SLMAP: variants seen among roughly 807,000 people sequenced by gnomAD.
The protein encoded by SLMAP is sarcolemma associated protein.
In SLMAP, 44 loss-of-function variants were observed where a neutral mutation model predicts 128.8. That is an observed-to-expected ratio of 0.34 (90% CI 0.27 to 0.44). The LOEUF (loss-of-function observed/expected upper bound fraction) is 0.44. Ranked by LOEUF, SLMAP falls within the 20% of genes least tolerant of loss-of-function variation. The pLI, the probability that SLMAP is intolerant of heterozygous loss-of-function variation, is 1.00. For missense variants in SLMAP, 787 were observed against 985.3 expected (o/e 0.80, Z 2.69); for synonymous variants, 327 against 348.8 (o/e 0.94, Z 0.70).
chr3:57,825,559 A>G (rs1343305370), intron 2 of SLMAP, among the ~76,000 whole-genome samples: 3 of 147,886 alleles, frequency 2.0e-5, no homozygotes, highest in Non-Finnish European at 3.0e-5. Context: ...TTTATATTAT[A>G]AAATACCTTT....
intron 2 of SLMAP, among the ~76,000 whole-genome samples, chr3:57,817,546 A>G (rs1031168956): frequency 9.2e-5 from 14 of 152,354 alleles, no homozygotes; most frequent in East Asian, 5.8e-4. Flanking sequence ...GAATACCCCA[A>G]TCTTCAAAGA....
chr3:57,880,061 T>C (rs1251554953), intron 14 of SLMAP, among the ~76,000 whole-genome samples: 8 of 152,154 alleles, frequency 5.3e-5, no homozygotes, highest in African/African-American at 1.7e-4. Context: ...GCCTTAGGGA[T>C]TGGTGGGGTG....
intron 2 of SLMAP, among the ~76,000 whole-genome samples, chr3:57,801,774 C>G (rs1426978078): frequency 6.6e-6 from 1 of 151,566 alleles, no homozygotes; most frequent in Non-Finnish European, 1.5e-5. Flanking sequence ...TTTTAATGCT[C>G]TCTTGGTATG....
intron 2 of SLMAP, among the ~76,000 whole-genome samples, chr3:57,764,473 A>G (rs7631516): frequency 0.47 from 70,286 of 149,786 alleles, 17,024 homozygotes; most frequent in South Asian, 0.6. Context: ...TTGCACTCCA[A>G]CATGGGCAAC....
intron 2 of SLMAP, among the ~76,000 whole-genome samples, chr3:57,782,682 A>G (rs1211998207): frequency 6.6e-6 from 1 of 152,144 alleles, no homozygotes; most frequent in Non-Finnish European, 1.5e-5. Context: ...CATATTGTCC[A>G]GGCTGGTCTC....
intron 10 of SLMAP, 94 bp downstream of exon 10, chr3:57,862,180 G>A (rs1448123396): frequency 9.7e-7 from 1 of 1,026,016 alleles, no homozygotes; most frequent in Non-Finnish European, 1.4e-6. Context: ...GCTGGGCGTG[G>A]GGTGGCGGGC....
chr3:57,892,056 T>C (rs1447576931), intron 15 of SLMAP, among the ~76,000 whole-genome samples: 2 of 152,198 alleles, frequency 1.3e-5, no homozygotes, highest in East Asian at 1.9e-4. Flanking sequence ...AATACAAATA[T>C]AAGTTTTAAA....
intron 2 of SLMAP, among the ~76,000 whole-genome samples, chr3:57,813,470 A>C (rs1198733440): frequency 6.6e-6 from 1 of 152,210 alleles, no homozygotes. Context: ...TCTCATGTCC[A>C]GGACAGTGAG....
At chr3:57,782,499 G>A (rs1019823722) in intron 2 of SLMAP, among the ~76,000 whole-genome samples, 2 of 152,144 alleles carry the variant, frequency 1.3e-5, no homozygotes, top group African/African-American at 4.8e-5. Context: ...TGTTGAGACG[G>A]TCTCACTCTG....
intron 6 of SLMAP, among the ~76,000 whole-genome samples, chr3:57,851,818 A>G (rs1161356602): frequency 1.3e-5 from 2 of 151,904 alleles, no homozygotes; most frequent in Non-Finnish European, 2.9e-5. Context: ...CTGCTACTCA[A>G]CCCACTTTTG....
intron 2 of SLMAP, among the ~76,000 whole-genome samples, chr3:57,816,817 T>G (rs2091912324): frequency 6.6e-6 from 1 of 152,152 alleles, no homozygotes; most frequent in South Asian, 2.1e-4. Context: ...TAAACTGAAC[T>G]TCAGAAAGAA....
intron 6 of SLMAP, among the ~76,000 whole-genome samples, chr3:57,851,659 A>C (rs1405820185): frequency 6.6e-6 from 1 of 151,642 alleles, no homozygotes; most frequent in Non-Finnish European, 1.5e-5. Context: ...TTTTTAATAG[A>C]GTAGAGTACA....
chr3:57,786,631 A>G (rs1012752042), intron 2 of SLMAP, among the ~76,000 whole-genome samples: 3 of 145,794 alleles, frequency 2.1e-5, no homozygotes, highest in Non-Finnish European at 1.5e-5. Context: ...ATCTTGGTTC[A>G]CTACAACCTC....
intron 2 of SLMAP, among the ~76,000 whole-genome samples, chr3:57,830,831 C>T (rs1264633385): frequency 6.6e-6 from 1 of 152,186 alleles, no homozygotes; most frequent in African/African-American, 2.4e-5. Context: ...TATAATACAT[C>T]AGTCTTTTGT....
chr3:57,761,225 T>C (rs2078573692), intron 2 of SLMAP, among the ~76,000 whole-genome samples: 1 of 152,040 alleles, frequency 6.6e-6, no homozygotes, highest in South Asian at 2.1e-4. Flanking sequence ...TGCTATGGAG[T>C]CTTAGGAAGG....
Position 57,802,436 on chromosome 3 carries a change from C to A in SLMAP, c.199-28947C>A, listed in dbSNP as rs1184597342. ...GGGATTACAGGCATGTGCCACCAAG[C>A]CTGGCTAATTTTTAAAATTATTTTT... On this transcript the variant is annotated intron_variant, in intron 2 of 24. Coordinates refer to ENST00000671191, the MANE Select transcript of SLMAP (RefSeq NM_001377540.1). 2.6e-5 allele frequency among the ~76,000 whole-genome samples: 4 copies of A among 152,218 alleles called. No individual in the cohort carries two copies. In the East Asian group the frequency reaches 5.8e-4, roughly 22 times the overall value.
At chr3:57,827,724 G>A (rs1480334207) in intron 2 of SLMAP, among the ~76,000 whole-genome samples, 1 of 152,180 alleles carries the variant, frequency 6.6e-6, no homozygotes, top group Non-Finnish European at 1.5e-5. Flanking sequence ...TACTGGGAAA[G>A]AAAGATAGTT....
At chr3:57,902,598 A>G (rs73088398) in intron 17 of SLMAP, among the ~76,000 whole-genome samples, 17,621 of 152,206 alleles carry the variant, frequency 0.12, 1,113 homozygotes, top group South Asian at 0.15. Flanking sequence ...ATTACTGTGG[A>G]AATTTCAGAT....
intron 2 of SLMAP, among the ~76,000 whole-genome samples, chr3:57,823,865 A>G (rs2092723748): frequency 6.6e-6 from 1 of 152,158 alleles, no homozygotes; most frequent in Non-Finnish European, 1.5e-5. Context: ...ATTTCTCCAC[A>G]TCCTCTCCAG....
Sources: allele counts gnomAD v4.1 joint callset (sites outside exome capture counted in the v4.1 genomes callset), GRCh38; gene constraint gnomAD v4.1.1; transcripts MANE v1.5; gene names NCBI Gene and HGNC (gene_info 2026-07-23, HGNC 2026-07-21).